Variants in TACR3 observed in about 807,000 individuals in gnomAD.
TACR3 encodes neuromedin-K receptor.
TACR3 carries 34 observed loss-of-function variants against 35.0 expected under a neutral mutation model. The ratio of observed to expected loss-of-function variants is 0.97; its 90% CI spans 0.74 to 1.30. The LOEUF (loss-of-function observed/expected upper bound fraction) is 1.30, where lower values mean the gene tolerates loss of function less well. Among genes scored for constraint, TACR3 ranks in the 50% most tolerant of loss-of-function variants. The pLI, the probability that TACR3 is intolerant of heterozygous loss-of-function variation, is 0.00. For missense variants in TACR3, 558 were observed against 591.7 expected, an observed-to-expected ratio of 0.94 and a Z score of 0.59; for synonymous variants, 233 against 221.1, an observed-to-expected ratio of 1.05 and a Z score of -0.48.
intron 1 of TACR3, among the ~76,000 whole-genome samples, chr4:103,715,083 A>G (rs1723059933): frequency 6.6e-6 from 1 of 152,208 alleles, no homozygotes; most frequent in South Asian, 2.1e-4. Flanking sequence ...CATGTAAGGT[A>G]TGCCACTGGA....
chr4:103,675,675 G>T (rs1726154878), intron 1 of TACR3, among the ~76,000 whole-genome samples: 1 of 152,092 alleles, frequency 6.6e-6, no homozygotes, highest in African/African-American at 2.4e-5. Flanking sequence ...ATGCTTACAG[G>T]TTGGAGGCTT....
At chr4:103,693,989 T>C (rs1391747170) in intron 1 of TACR3, among the ~76,000 whole-genome samples, 1 of 151,494 alleles carries the variant, frequency 6.6e-6, no homozygotes, top group East Asian at 1.9e-4. Context: ...ATACTTTTCT[T>C]ATTGGTTTGT....
intron 1 of TACR3, among the ~76,000 whole-genome samples, chr4:103,687,660 G>A (rs931372495): frequency 1.3e-5 from 2 of 152,046 alleles, no homozygotes; most frequent in African/African-American, 4.8e-5. Context: ...GCTTCAAAGA[G>A]AATAAAATAC....
intron 3 of TACR3, among the ~76,000 whole-genome samples, chr4:103,652,890 A>G (rs1725653213): frequency 6.6e-6 from 1 of 152,078 alleles, no homozygotes; most frequent in Non-Finnish European, 1.5e-5. Flanking sequence ...CCAAAATAAC[A>G]TGATTATTAG....
chr4:103,691,865 C>T (rs931497553), intron 1 of TACR3, among the ~76,000 whole-genome samples: 1 of 152,162 alleles, frequency 6.6e-6, no homozygotes, highest in African/African-American at 2.4e-5. Flanking sequence ...CTTCGTTTCC[C>T]ATAAGGGACA....
intron 3 of TACR3, among the ~76,000 whole-genome samples, chr4:103,614,867 AAGTTGATTATG>A (rs907233513): frequency 2.1e-5 from 3 of 144,498 alleles, no homozygotes; most frequent in African/African-American, 7.8e-5. Context: ...ACTATAACCT[AAGTTGATTATG>A]AATGTGTTTT....
chr4:103,601,085 G>C (rs1724188590), intron 3 of TACR3, among the ~76,000 whole-genome samples: 2 of 152,226 alleles, frequency 1.3e-5, no homozygotes, highest in South Asian at 4.2e-4. Flanking sequence ...ATTATTGTGT[G>C]GAGTCTAAGT....
intron 1 of TACR3, among the ~76,000 whole-genome samples, chr4:103,683,932 A>C (rs1168811594): frequency 6.6e-6 from 1 of 152,074 alleles, no homozygotes; most frequent in Non-Finnish European, 1.5e-5. Flanking sequence ...ACATAATTTG[A>C]GACCGGTTTT....
chr4:103,662,535 C>T (rs373155979), intron 1 of TACR3, among the ~76,000 whole-genome samples: 1 of 151,894 alleles, frequency 6.6e-6, no homozygotes, highest in African/African-American at 2.4e-5. Context: ...TGGGTTTTTA[C>T]GGTTTGAATT....
At chr4:103,637,716 T>G (rs1230255118) in intron 3 of TACR3, among the ~76,000 whole-genome samples, 1 of 152,136 alleles carries the variant, frequency 6.6e-6, no homozygotes. Flanking sequence ...AAAATCTCCT[T>G]AAGCTGATAA....
In TACR3 at chr4:103,608,122, C is replaced by G. The variant is rs1371197416; in HGVS notation, c.889-16439G>C. ...ACACACGCACTCATATGTTCGTTAC[C>G]ACGCTATTCACAATAGCAAAGGCAT... On this transcript the variant is annotated intron_variant, in intron 3 of 4. Transcript: ENST00000304883. Among the ~76,000 whole-genome samples, 5 of 151,996 alleles carry G rather than the reference C, an allele frequency of 3.3e-5. No homozygotes were observed. The East Asian group carries it at 9.6e-4, about 29-fold the overall frequency.
At chr4:103,647,952 A>G (rs1314035948) in intron 3 of TACR3, among the ~76,000 whole-genome samples, 1 of 152,022 alleles carries the variant, frequency 6.6e-6, no homozygotes, top group East Asian at 1.9e-4. Flanking sequence ...AAAATGTGAG[A>G]TATTTCTACT....
At chr4:103,595,517 T>C (rs762664141) in intron 3 of TACR3, among the ~76,000 whole-genome samples, 5 of 152,158 alleles carry the variant, frequency 3.3e-5, no homozygotes, top group Non-Finnish European at 7.4e-5. Flanking sequence ...CATTCCTTCA[T>C]GTATCAAAGG....
chr4:103,659,044 A>G (rs1196984483), intron 1 of TACR3, among the ~76,000 whole-genome samples: 1 of 152,128 alleles, frequency 6.6e-6, no homozygotes, highest in East Asian at 1.9e-4. Context: ...ACAGTTCACA[A>G]TAAGGTTGGC....
At chr4:103,598,650 C>T (rs1354606946) in intron 3 of TACR3, among the ~76,000 whole-genome samples, 2 of 152,264 alleles carry the variant, frequency 1.3e-5, no homozygotes, top group South Asian at 2.1e-4. Context: ...AGGAAGGGAT[C>T]CAGTTTCAGC....
chr4:103,630,135 T>A (rs886616359), intron 3 of TACR3, among the ~76,000 whole-genome samples: 2 of 152,160 alleles, frequency 1.3e-5, no homozygotes, highest in African/African-American at 4.8e-5. Flanking sequence ...CTGGCTGCCC[T>A]ATGAAGAAAA....
At chr4:103,676,900 G>C (rs1212931115) in intron 1 of TACR3, among the ~76,000 whole-genome samples, 1 of 152,054 alleles carries the variant, frequency 6.6e-6, no homozygotes, top group Non-Finnish European at 1.5e-5. Context: ...CACAGCAAAA[G>C]AAACTATCAA....
At chr4:103,627,352 T>TAAAAA (rs869215834) in intron 3 of TACR3, among the ~76,000 whole-genome samples, 10 of 82,472 alleles carry the variant, frequency 1.2e-4, no homozygotes, top group South Asian at 3.8e-4. Context: ...GTGTTTCCAT[T>TAAAAA]AAAAAAAAAA....
intron 3 of TACR3, among the ~76,000 whole-genome samples, chr4:103,612,298 T>C (rs745421887): frequency 1.3e-5 from 2 of 152,182 alleles, no homozygotes; most frequent in Non-Finnish European, 2.9e-5. Flanking sequence ...CCTAATTCTT[T>C]GTGTGCTTTA....
Sources: gnomAD v4.1 joint callset for allele counts (sites outside exome capture counted in the v4.1 genomes callset) on GRCh38, gnomAD v4.1.1 for gene constraint, MANE v1.5 for transcripts, NCBI Gene and HGNC (gene_info 2026-07-23, HGNC 2026-07-21) for gene names.